The following CAPN11 variants were observed in gnomAD, a reference collection of about 807,000 sequenced individuals.
CAPN11 encodes the protein calpain-11.
CAPN11 carries 108 observed loss-of-function variants against 105.3 expected under a neutral mutation model. The observed-to-expected ratio is 1.03, with a 90% CI of 0.88 to 1.20. CAPN11 has a LOEUF of 1.20. Ranked by LOEUF, CAPN11 falls within the 50% of genes most tolerant of loss-of-function variation. The pLI, the probability that CAPN11 is intolerant of heterozygous loss-of-function variation, is 0.00. For missense variants in CAPN11, 883 were observed against 924.8 expected (o/e 0.95, Z 0.59); for synonymous variants, 329 against 344.5 (o/e 0.96, Z 0.50).
chr6:44,169,759 T>C, intron 3 of CAPN11, 147 bp from the exon 4 acceptor site: 1 of 762,930 alleles, frequency 1.3e-6, no homozygotes, highest in Non-Finnish European at 2.2e-6. Flanking sequence ...AAGCTGCAGC[T>C]ATGCCAAGTT....
At chr6:44,179,598 T>G (rs757813562) in intron 12 of CAPN11, 21 bp from the exon 13 acceptor site, 1 of 1,612,158 alleles carries the variant, frequency 6.2e-7, no homozygotes, top group Non-Finnish European at 8.5e-7. Flanking sequence ...GATCTGACTC[T>G]CCTCTTTCTT....
At chr6:44,182,873 C>T in intron 19 of CAPN11, 68 bp from the exon 20 acceptor site, 1 of 1,224,338 alleles carries the variant, frequency 8.2e-7, no homozygotes, top group South Asian at 1.3e-5. Flanking sequence ...CGCGCCCGGC[C>T]TCAGTATTTC....
rs756350076 is a variant in CAPN11 at position 44,181,292 on chromosome 6, T to C, written c.1910T>C (p.Ile637Thr). The change falls in exon 19 of 23, where the codon ATC becomes ACC. Residue 637 changes from isoleucine (I) to threonine (T), a missense_variant. Coordinates refer to ENST00000398776, the MANE Select transcript of CAPN11 (RefSeq NM_007058.4). ...SGKLGLLEFK[I>T]LWKKLKKWMD... The stretch of plus-strand genomic sequence containing the variant: ...AAGCTGGGGCTTCTAGAGTTCAAGA[T>C]CCTGTGGAAAAAACTCAAGAAATGG... 1 of 1,613,324 alleles carries C rather than the reference T, an allele frequency of 6.2e-7. No individual in the cohort carries two copies. The highest frequency in any genetic ancestry group is 2.2e-5 in the East Asian group (1 of 44,876).
rs544313198 is a variant in CAPN11 at position 44,168,422 on chromosome 6, A to G, written c.89-859A>G. On this transcript the variant is annotated intron_variant, in intron 2 of 22. Transcript: ENST00000398776. ...ATAGCTGGGATTACAGGCGCCCGCCACCACGCCCAGCTAATTTTTGTATTT... is the reference window on the plus strand; with the variant it reads ...ATAGCTGGGATTACAGGCGCCCGCCGCCACGCCCAGCTAATTTTTGTATTT... Among the ~76,000 whole-genome samples, 351 of 148,798 alleles carry G rather than the reference A, an allele frequency of 2.4e-3. 2 individuals carry two copies. The highest frequency in any genetic ancestry group is 0.021 in the Middle Eastern group (6 of 284).
intron 12 of CAPN11, among the ~76,000 whole-genome samples, chr6:44,177,937 G>A (rs1026631445): frequency 6.6e-6 from 1 of 151,908 alleles, no homozygotes. Flanking sequence ...GGCTCACAGC[G>A]GCCCTGACCT....
chr6:44,183,294 AAC>A (rs769107276), intron 21 of CAPN11, 59 bp downstream of exon 21: 25 of 1,057,608 alleles, frequency 2.4e-5, no homozygotes, highest in Non-Finnish European at 3.6e-5. Context: ...CCCTTTCCCA[AAC>A]ACCCACCCTG....
intron 7 of CAPN11, among the ~76,000 whole-genome samples, chr6:44,174,134 C>T (rs953698459): frequency 6.6e-6 from 1 of 152,144 alleles, no homozygotes; most frequent in Admixed American, 6.5e-5. Flanking sequence ...CTACATATGA[C>T]CCTGCATTCT....
chr6:44,176,724 T>A (rs1772094975), intron 10 of CAPN11, 69 bp downstream of exon 10: 1 of 1,562,864 alleles, frequency 6.4e-7, no homozygotes, highest in African/African-American at 1.4e-5. Flanking sequence ...CCTGCTCCGC[T>A]CCTCTCTGTG....
In CAPN11 at chr6:44,183,895, T is replaced by C. The variant is rs765015234; in HGVS notation, c.2194-11T>C. 9 of 1,558,372 alleles carry C rather than the reference T, an allele frequency of 5.8e-6. No individual in the cohort carries two copies. The highest frequency in any genetic ancestry group is 3.8e-5 in the Admixed American group (2 of 52,120). On this transcript the variant is annotated splice_polypyrimidine_tract_variant and intron_variant, in intron 22 of 22. Transcript: ENST00000398776. ...TCTTCCCACCCTGGGATCTGCTTCC[T>C]GTCTCCACAGTGGCTGCAGATGACC...
chr6:44,173,431 T>C (rs1241061333), intron 7 of CAPN11, 45 bp downstream of exon 7: 1 of 1,299,866 alleles, frequency 7.7e-7, no homozygotes, highest in Non-Finnish European at 1.1e-6. Context: ...CACCTGCTGT[T>C]GCTGTCACCC....
At chr6:44,158,974 G>A in intron 1 of CAPN11, 110 bp downstream of exon 1, 1 of 636,150 alleles carries the variant, frequency 1.6e-6, no homozygotes, top group Non-Finnish European at 2.3e-6. Context: ...TGAGGGTACA[G>A]AGAGTGACTC....
intron 12 of CAPN11, 39 bp downstream of exon 12, chr6:44,177,459 C>A: frequency 6.6e-7 from 1 of 1,515,548 alleles, no homozygotes; most frequent in Non-Finnish European, 9.0e-7. Context: ...CTCACTCTCC[C>A]TCACCTGACC....
intron 18 of CAPN11, 90 bp from the exon 19 acceptor site, chr6:44,181,162 C>A (rs1170921254): frequency 7.8e-7 from 1 of 1,282,762 alleles, no homozygotes; most frequent in Non-Finnish European, 1.1e-6. Context: ...AACCCCAGGG[C>A]TTGTGTGTCC....
At chr6:44,172,862 C>T (rs532130406) in intron 5 of CAPN11, 78 bp from the exon 6 acceptor site, 12 of 1,447,012 alleles carry the variant, frequency 8.3e-6, no homozygotes, top group Admixed American at 6.2e-5. Flanking sequence ...CTGACACTGG[C>T]GTGTCATCAG....
chr6:44,176,645 G>A lies in CAPN11; in HGVS notation c.1066G>A (p.Gly356Arg), dbSNP rs900222577. 2.7e-5 allele frequency: 44 copies of A among 1,602,724 alleles called. No homozygotes were observed. Among genetic ancestry groups the A allele is most frequent in the East Asian group, 4.5e-5 (2 of 44,716 alleles). ...QMQLLHKTED[G>R]EFWMSYQDFL... ...GCAGCTGCTGCACAAGACGGAGGAC[G>A]GGGAGTTCTGGTCAGTGTGGCTTGG... Residue 356 changes from glycine (G) to arginine (R), a missense_variant, in exon 10 of 23, where the codon GGG (glycine) becomes AGG (arginine). Physicochemically the swap from Gly to Arg is moderately radical, Grantham distance 125 (BLOSUM62 -2). Coordinates refer to ENST00000398776, the MANE Select transcript of CAPN11 (RefSeq NM_007058.4).
chr6:44,168,954 G>T (rs62401794), intron 2 of CAPN11: 11,078 of 462,574 alleles, frequency 0.024, 182 homozygotes, highest in Non-Finnish European at 0.036. Context: ...ACAAGGTCTT[G>T]CTCTGTCACC....
rs1561853853 is a variant in CAPN11, at chr6:44,181,464, CA to C, written c.1938+145del. On this transcript the variant is annotated intron_variant, in intron 19 of 22. Transcript: ENST00000398776. ...CACACCACACTCACACACACACACA[CA>C]CACTCACATACAGACACAACCACAC... 211 of 521,034 alleles carry C rather than the reference CA, an allele frequency of 4.0e-4. 4 individuals are homozygous for C. The highest frequency in any genetic ancestry group is 2.4e-3 in the African/African-American group (97 of 40,934). The allele number at this position is 521,034 out of a possible 1,614,324, so 32.3% of individuals were successfully genotyped here. A position where few individuals can be genotyped will look rare whatever the true frequency, so the allele number is the denominator to read the frequency against.
chr6:44,179,808 C>A, intron 13 of CAPN11, 144 bp from the exon 14 acceptor site: 4 of 881,852 alleles, frequency 4.5e-6, no homozygotes, highest in Non-Finnish European at 7.5e-6. Flanking sequence ...GTTGGAGTTG[C>A]GGGCCACTTA....
At position 44,170,461 on chromosome 6, in the gene CAPN11, T is replaced by G. The variant is rs200330384; in HGVS notation, c.409+486T>G. Among the ~76,000 whole-genome samples, 102 of 152,262 alleles carry G rather than the reference T, an allele frequency of 6.7e-4. 3 individuals carry two copies. The East Asian group carries it at 0.017, about 25-fold the overall frequency. The stretch of plus-strand genomic sequence containing the variant: ...CAGGAGCTCTCAGGTCTTTGCTGGC[T>G]GTTGGCAGGAGGCCCCAGTTCCTCA... On this transcript the variant is annotated intron_variant, in intron 4 of 22. Coordinates refer to ENST00000398776, the MANE Select transcript of CAPN11 (RefSeq NM_007058.4).
Sources: allele counts gnomAD v4.1 joint callset (sites outside exome capture counted in the v4.1 genomes callset), GRCh38; gene constraint gnomAD v4.1.1; transcripts MANE v1.5; gene names NCBI Gene and HGNC (gene_info 2026-07-23, HGNC 2026-07-21).